DPY19L4: variants seen among roughly 807,000 people sequenced by gnomAD.
DPY19L4 encodes the protein dpy-19 like 4.
A neutral mutation model predicts 102.8 loss-of-function variants in DPY19L4; 97 were observed. That is an observed-to-expected ratio of 0.94 (90% confidence interval 0.80 to 1.12). The LOEUF (loss-of-function observed/expected upper bound fraction) is 1.12, where lower values mean the gene tolerates loss of function less well. Ranked by LOEUF, DPY19L4 falls within the 50% of genes most tolerant of loss-of-function variation. The pLI, the probability that DPY19L4 is intolerant of heterozygous loss-of-function variation, is 0.00. For synonymous variants in DPY19L4, 252 were observed against 283.1 expected, an observed-to-expected ratio of 0.89 and a Z score of 1.10; for missense variants, 815 against 850.4, an observed-to-expected ratio of 0.96 and a Z score of 0.52.
intron 6 of DPY19L4, among the ~76,000 whole-genome samples, chr8:94,743,277 G>A (rs1014073843): frequency 2.6e-5 from 4 of 151,634 alleles, no homozygotes; most frequent in East Asian, 2.0e-4. Flanking sequence ...TGATCCACCC[G>A]CCTCGGCCTC....
At chr8:94,786,463 T>A (rs931960143) in intron 17 of DPY19L4, among the ~76,000 whole-genome samples, 4 of 151,888 alleles carry the variant, frequency 2.6e-5, no homozygotes, top group African/African-American at 9.7e-5. Flanking sequence ...TTAATTAATT[T>A]ATTTTTTTGA....
intron 17 of DPY19L4, among the ~76,000 whole-genome samples, chr8:94,786,827 C>T (rs1314547348): frequency 4.6e-5 from 7 of 152,292 alleles, no homozygotes; most frequent in Non-Finnish European, 1.0e-4. Flanking sequence ...GGATTACAGG[C>T]GTGAGACACT....
chr8:94,741,542 A>G (rs1811443855), intron 6 of DPY19L4, among the ~76,000 whole-genome samples: 2 of 152,186 alleles, frequency 1.3e-5, no homozygotes, highest in South Asian at 4.1e-4. Flanking sequence ...TCTAAATAAG[A>G]GATTAATTTA....
chr8:94,766,643 T>G lies in DPY19L4; in HGVS notation c.1133T>G (p.Met378Arg), dbSNP rs1434706130. Reference protein sequence around the residue: ...MFVPHKENGHMLKFLEVKFGL... With the variant: ...MFVPHKENGHRLKFLEVKFGL... Reference sequence around the variant, plus strand: ...GTCCCACACAAAGAAAATGGGCACATGCTGAAATTCCTTGAAGTAAAATTT... The same window carrying G: ...GTCCCACACAAAGAAAATGGGCACAGGCTGAAATTCCTTGAAGTAAAATTT... The change falls in exon 11 of 19, where the codon ATG (methionine) becomes AGG (arginine). Residue 378 changes from methionine (M) to arginine (R), a missense_variant. Physicochemically the swap from Met to Arg is moderately conservative, Grantham distance 91. Coordinates refer to ENST00000414645, the MANE Select transcript of DPY19L4 (RefSeq NM_181787.3). The G allele has an allele frequency of 3.1e-6, 5 of 1,613,978 alleles. No homozygotes were observed. In the South Asian group the frequency reaches 3.3e-5, roughly 11 times the overall value.
At chr8:94,741,803 A>G (rs1367278458) in intron 6 of DPY19L4, among the ~76,000 whole-genome samples, 1 of 152,200 alleles carries the variant, frequency 6.6e-6, no homozygotes, top group East Asian at 1.9e-4. Context: ...TTTCTGGCTC[A>G]ACAAGGTGAG....
At chr8:94,722,786 T>C (rs1200746972) in intron 1 of DPY19L4, among the ~76,000 whole-genome samples, 1 of 152,216 alleles carries the variant, frequency 6.6e-6, no homozygotes, top group Non-Finnish European at 1.5e-5. Flanking sequence ...TCTGTGTATT[T>C]TACTTGTATC....
chr8:94,757,769 G>A (rs189776433), intron 7 of DPY19L4, among the ~76,000 whole-genome samples: 299 of 152,186 alleles, frequency 2.0e-3, no homozygotes, highest in African/African-American at 6.5e-3. Flanking sequence ...CTGTTTGATT[G>A]TACAGCTGTC....
chr8:94,757,560 G>A (rs955713593), intron 7 of DPY19L4, among the ~76,000 whole-genome samples: 2 of 151,780 alleles, frequency 1.3e-5, no homozygotes, highest in Admixed American at 1.3e-4. Flanking sequence ...CAGGCACCCA[G>A]CACCACACCC....
chr8:94,721,899 A>C (rs183595645), intron 1 of DPY19L4, among the ~76,000 whole-genome samples: 5 of 152,266 alleles, frequency 3.3e-5, no homozygotes, highest in Non-Finnish European at 5.9e-5. Context: ...ACTTGAAGTC[A>C]GAAGTTCGAG....
intron 6 of DPY19L4, among the ~76,000 whole-genome samples, chr8:94,753,108 A>C (rs557382930): frequency 6.6e-6 from 1 of 151,996 alleles, no homozygotes; most frequent in South Asian, 2.1e-4. Context: ...ATGGCAGAAA[A>C]TTTAACAATG....
rs866060687 is a variant in DPY19L4, at chr8:94,790,647, C to T, written c.*737C>T. 1.3e-5 allele frequency: 2 copies of T among 150,922 alleles called. No individual in the cohort carries two copies. The highest frequency in any genetic ancestry group is 1.9e-4 in the East Asian group (1 of 5,184). 9.3% of individuals were successfully genotyped at this position (150,922 alleles called of 1,614,324 possible). A position where few individuals can be genotyped will look rare whatever the true frequency, so the allele number is the denominator to read the frequency against. On this transcript the variant is annotated 3_prime_UTR_variant, in exon 19 of 19. Transcript: ENST00000414645. ...AATTTAATCATGATAAAACAATAACCGTTAACATATATTTTGTTAAATGGA... is the reference window on the plus strand; with the variant it reads ...AATTTAATCATGATAAAACAATAACTGTTAACATATATTTTGTTAAATGGA...
At chr8:94,784,365 C>A (rs117728365) in intron 17 of DPY19L4, among the ~76,000 whole-genome samples, 2,080 of 152,342 alleles carry the variant, frequency 0.014, 24 homozygotes, top group Non-Finnish European at 0.022. Context: ...CACCTGCCAC[C>A]ACAGCCAGCT....
intron 16 of DPY19L4, among the ~76,000 whole-genome samples, chr8:94,783,436 C>T (rs1813518826): frequency 6.6e-6 from 1 of 150,896 alleles, no homozygotes; most frequent in Non-Finnish European, 1.5e-5. Flanking sequence ...TTATTGTCTT[C>T]CCCCTGCTCC....
At chr8:94,750,863 A>G (rs1411569689) in intron 6 of DPY19L4, among the ~76,000 whole-genome samples, 1 of 151,010 alleles carries the variant, frequency 6.6e-6, no homozygotes, top group Non-Finnish European at 1.5e-5. Context: ...GCTCACTGCA[A>G]CCTCCACCTC....
chr8:94,754,602 T>A (rs1323008058), intron 6 of DPY19L4, among the ~76,000 whole-genome samples: 7 of 152,054 alleles, frequency 4.6e-5, no homozygotes, highest in Non-Finnish European at 1.0e-4. Flanking sequence ...TTTCATAAAT[T>A]TTCAAAAAAA....
intron 6 of DPY19L4, among the ~76,000 whole-genome samples, chr8:94,743,823 T>C (rs1294618277): frequency 6.6e-6 from 1 of 151,924 alleles, no homozygotes; most frequent in Non-Finnish European, 1.5e-5. Context: ...CTTGCCAACA[T>C]GGTGAAACCC....
intron 6 of DPY19L4, chr8:94,744,838 TG>T (rs1395492861): frequency 3.3e-6 from 1 of 300,998 alleles, no homozygotes; most frequent in African/African-American, 2.2e-5. Context: ...ATAGAAAAAT[TG>T]ACCTGGTATA....
At chr8:94,774,627 G>C (rs927521323) in intron 13 of DPY19L4, among the ~76,000 whole-genome samples, 2 of 147,564 alleles carry the variant, frequency 1.4e-5, no homozygotes, top group East Asian at 4.0e-4. Flanking sequence ...GCCCAGGCTA[G>C]AGTGCAATGC....
chr8:94,757,665 C>A (rs935361436), intron 7 of DPY19L4, among the ~76,000 whole-genome samples: 2 of 152,150 alleles, frequency 1.3e-5, no homozygotes, highest in Non-Finnish European at 2.9e-5. Flanking sequence ...CCGCCTCAGC[C>A]TCCCAAAGGG....
Sources: gnomAD v4.1 joint callset for allele counts (sites outside exome capture counted in the v4.1 genomes callset) on GRCh38, gnomAD v4.1.1 for gene constraint, MANE v1.5 for transcripts, NCBI Gene and HGNC (gene_info 2026-07-23, HGNC 2026-07-21) for gene names.